Variants in P4HA3 observed in about 807,000 individuals in gnomAD.
The protein encoded by P4HA3 is prolyl 4-hydroxylase subunit alpha-3.
In P4HA3, 60 loss-of-function variants were observed where a neutral mutation model predicts 66.7. That is an observed-to-expected ratio of 0.90 (90% confidence interval 0.73 to 1.12). The LOEUF (loss-of-function observed/expected upper bound fraction) is 1.12, where lower values mean the gene tolerates loss of function less well. Among genes scored for constraint, P4HA3 ranks in the 50% most tolerant of loss-of-function variants. The pLI, the probability that P4HA3 is intolerant of heterozygous loss-of-function variation, is 0.00. For missense variants in P4HA3, 683 were observed against 685.8 expected (o/e 1.00, Z 0.05); for synonymous variants, 263 against 274.6 (o/e 0.96, Z 0.42).
At chr11:74,254,828 A>C (rs1859792823) in intron 15 of P4HA3, 1 of 152,378 alleles carries the variant, frequency 6.6e-6, no homozygotes, top group Non-Finnish European at 1.5e-5. Context: ...TCAGTGTGTT[A>C]TGCTCTGCCT....
chr11:74,268,765 G>C (rs1353242645), intron 11 of P4HA3, among the ~76,000 whole-genome samples: 1 of 152,164 alleles, frequency 6.6e-6, no homozygotes, highest in Non-Finnish European at 1.5e-5. Context: ...TTTAAATAAT[G>C]CAATAAAAGA....
intron 1 of P4HA3, among the ~76,000 whole-genome samples, chr11:74,307,236 T>C (rs1861606393): frequency 6.6e-6 from 1 of 152,164 alleles, no homozygotes; most frequent in Non-Finnish European, 1.5e-5. Flanking sequence ...GCATGAACAT[T>C]CTGTTATTTC....
intron 2 of P4HA3, among the ~76,000 whole-genome samples, chr11:74,303,730 A>C (rs1861489183): frequency 6.6e-6 from 1 of 151,798 alleles, no homozygotes; most frequent in Admixed American, 6.6e-5. Context: ...ACAGGCATGT[A>C]ATCCCACGAC....
intron 4 of P4HA3, among the ~76,000 whole-genome samples, chr11:74,296,647 T>G (rs992654246): frequency 1.3e-5 from 2 of 152,098 alleles, no homozygotes; most frequent in Non-Finnish European, 2.9e-5. Flanking sequence ...CAAAACAGGA[T>G]GTGGAAAGCA....
chr11:74,301,757 G>T (rs1016988048), intron 3 of P4HA3, among the ~76,000 whole-genome samples: 1 of 152,140 alleles, frequency 6.6e-6, no homozygotes, highest in Non-Finnish European at 1.5e-5. Context: ...CAGATGGGGG[G>T]CGGGGGTGTT....
intron 7 of P4HA3, among the ~76,000 whole-genome samples, chr11:74,279,752 G>A (rs568792876): frequency 6.6e-6 from 1 of 152,166 alleles, no homozygotes; most frequent in Non-Finnish European, 1.5e-5. Flanking sequence ...AATCCCTTTT[G>A]TATCTGTAAG....
intron 5 of P4HA3, 131 bp downstream of exon 5, chr11:74,288,948 C>CAA (rs36086552): frequency 0.047 from 16,847 of 359,102 alleles, 7 homozygotes; most frequent in East Asian, 0.077. Flanking sequence ...GATGCCATCT[C>CAA]AAAAAAAAAA....
chr11:74,297,032 A>G (rs1249369484), intron 4 of P4HA3, among the ~76,000 whole-genome samples: 1 of 151,440 alleles, frequency 6.6e-6, no homozygotes, highest in Non-Finnish European at 1.5e-5. Flanking sequence ...CTCGGGCTCA[A>G]GCGATTCTCC....
chr11:74,273,149 C>A (rs1860264522), intron 10 of P4HA3, among the ~76,000 whole-genome samples: 1 of 152,174 alleles, frequency 6.6e-6, no homozygotes, highest in South Asian at 2.1e-4. Flanking sequence ...TCTCCCTCCC[C>A]ACAGCCCCAC....
chr11:74,299,696 T>G (rs1446619423), intron 3 of P4HA3, among the ~76,000 whole-genome samples: 1 of 147,538 alleles, frequency 6.8e-6, no homozygotes, highest in Middle Eastern at 3.2e-3. Flanking sequence ...ACAGAAAATA[T>G]CAGGTACCAG....
rs187969488 is a variant in P4HA3 at position 74,302,908 on chromosome 11, T to C, written c.344-316A>G. 2.6e-3 allele frequency among the ~76,000 whole-genome samples: 396 copies of C among 152,222 alleles called. 3 individuals carry two copies. Among genetic ancestry groups the C allele is most frequent in the Non-Finnish European group, 3.0e-3 (203 of 68,008 alleles). ...CTTTTTCTTTTTCTTTTTTTCTTTT[T>C]CTTTTCTTTTCTTTTTTTCTCTTCT... On this transcript the variant is annotated intron_variant, in intron 2 of 12. Transcript: ENST00000331597.
chr11:74,269,860 ACT>A, intron 10 of P4HA3, 140 bp from the exon 11 acceptor site: 2 of 881,074 alleles, frequency 2.3e-6, no homozygotes. Flanking sequence ...CAATCATCCA[ACT>A]CAGGAGGAAC....
At chr11:74,305,135 C>A (rs1009221579) in intron 1 of P4HA3, among the ~76,000 whole-genome samples, 1 of 151,968 alleles carries the variant, frequency 6.6e-6, no homozygotes, top group Non-Finnish European at 1.5e-5. Context: ...GGTACCGGTC[C>A]CTGGCCCAGG....
At chr11:74,251,675 A>G (rs1859667604) in intron 15 of P4HA3, 1 of 1,613,762 alleles carries the variant, frequency 6.2e-7, no homozygotes, top group African/African-American at 1.3e-5. Flanking sequence ...CACTTTCCTG[A>G]TCCGGCACAG....
At chr11:74,251,091 C>CTTT in intron 15 of P4HA3, 1 of 1,542,620 alleles carries the variant, frequency 6.5e-7, no homozygotes, top group Non-Finnish European at 8.8e-7. Flanking sequence ...AGACAAGTCT[C>CTTT]TGAGTCTCAG....
chr11:74,277,466 A>G (rs1233022445), intron 8 of P4HA3, among the ~76,000 whole-genome samples: 1 of 152,196 alleles, frequency 6.6e-6, no homozygotes, highest in Non-Finnish European at 1.5e-5. Flanking sequence ...GTACAGTGGG[A>G]AAAGCTTGTG....
chr11:74,283,752 T>C (rs1420378750), intron 7 of P4HA3, among the ~76,000 whole-genome samples: 1 of 152,250 alleles, frequency 6.6e-6, no homozygotes, highest in African/African-American at 2.4e-5. Flanking sequence ...CTTTCTGGAA[T>C]ACCCTTTGCT....
intron 10 of P4HA3, among the ~76,000 whole-genome samples, chr11:74,272,814 A>T (rs1411396819): frequency 6.6e-6 from 1 of 152,216 alleles, no homozygotes; most frequent in African/African-American, 2.4e-5. Context: ...ATCTCTTCTA[A>T]TAAGTGATTA....
chr11:74,262,269 C>T (rs1334910658), downstream of P4HA3, among the ~76,000 whole-genome samples: 1 of 152,266 alleles, frequency 6.6e-6, no homozygotes, highest in East Asian at 1.9e-4. Flanking sequence ...ATTTCTAATG[C>T]AAACATGCCC....
Sources: gnomAD v4.1 joint callset for allele counts (sites outside exome capture counted in the v4.1 genomes callset) on GRCh38, gnomAD v4.1.1 for gene constraint, MANE v1.5 for transcripts, NCBI Gene and HGNC (gene_info 2026-07-23, HGNC 2026-07-21) for gene names.